The following PDE9A variants were observed in gnomAD, a reference collection of about 807,000 sequenced individuals.
PDE9A encodes high affinity cGMP-specific 3',5'-cyclic phosphodiesterase 9A.
A neutral mutation model predicts 87.4 loss-of-function variants in PDE9A; 60 were observed. That is an observed-to-expected ratio of 0.69 (90% CI 0.56 to 0.85). The LOEUF (loss-of-function observed/expected upper bound fraction) is 0.85, where lower values mean the gene tolerates loss of function less well. Ranked by LOEUF, PDE9A falls within the 40% of genes least tolerant of loss-of-function variation. The pLI is 0.00. For missense variants in PDE9A, 665 were observed against 779.0 expected (o/e 0.85, Z 1.74); for synonymous variants, 272 against 279.4 (o/e 0.97, Z 0.27).
At chr21:42,690,090 G>A (rs58769149) in intron 3 of PDE9A, 4 of 984,770 alleles carry the variant, frequency 4.1e-6, no homozygotes, top group African/African-American at 3.5e-5. Flanking sequence ...GAGGATACAG[G>A]TGGAGAAGAT....
At chr21:42,680,746 A>C (rs1602011945) in intron 1 of PDE9A, among the ~76,000 whole-genome samples, 1 of 152,020 alleles carries the variant, frequency 6.6e-6, no homozygotes, top group Admixed American at 6.5e-5. Flanking sequence ...CTTGCTGTGA[A>C]CCCACCGCTT....
chr21:42,682,077 C>T (rs571495907), intron 1 of PDE9A, among the ~76,000 whole-genome samples: 102 of 152,384 alleles, frequency 6.7e-4, no homozygotes, highest in Admixed American at 2.9e-3. Context: ...CCCAAACTCG[C>T]ACCCACTTTG....
Position 42,660,928 on chromosome 21 carries a change from G to T in PDE9A, c.69+7045G>T, listed in dbSNP as rs546919702. Among the ~76,000 whole-genome samples the T allele has an allele frequency of 1.2e-4, 18 of 152,264 alleles. No individual in the cohort carries two copies. In the East Asian group the frequency reaches 3.5e-3, roughly 29 times the overall value. On this transcript the variant is annotated intron_variant, in intron 1 of 19. Coordinates refer to ENST00000291539, the MANE Select transcript of PDE9A (RefSeq NM_002606.3). This position sits in a 1 kb window ranked among gnomAD's most constrained non-coding sequence, Gnocchi z 4.7. Reference sequence around the variant, plus strand: ...TCCCGAAGCTGGTCACGCAACGGGAGCATTGGCCCTGAACAGAAACCCGCA... The same window carrying T: ...TCCCGAAGCTGGTCACGCAACGGGATCATTGGCCCTGAACAGAAACCCGCA...
At chr21:42,693,388 T>G (rs2059969147) in intron 3 of PDE9A, among the ~76,000 whole-genome samples, 1 of 151,328 alleles carries the variant, frequency 6.6e-6, no homozygotes, top group Non-Finnish European at 1.5e-5. Context: ...AAGCTCTGCC[T>G]TCCGGGTTCA....
intron 8 of PDE9A, among the ~76,000 whole-genome samples, chr21:42,749,761 G>A (rs1645117765): frequency 6.6e-6 from 1 of 152,250 alleles, no homozygotes; most frequent in Admixed American, 6.5e-5. Context: ...GCTCTGTGGA[G>A]CAACTTGGGA....
chr21:42,761,946 C>T (rs1294531302), intron 13 of PDE9A, 137 bp from the exon 14 acceptor site: 4 of 809,640 alleles, frequency 4.9e-6, no homozygotes, highest in Non-Finnish European at 7.7e-6. Context: ...CAGGCCAGGG[C>T]ACAGGCAGCT....
At chr21:42,769,898 G>A (rs928769379) in intron 17 of PDE9A, among the ~76,000 whole-genome samples, 2 of 152,148 alleles carry the variant, frequency 1.3e-5, no homozygotes, top group Non-Finnish European at 2.9e-5. Context: ...CGTGACCCCA[G>A]CATCTCCCAC....
intron 8 of PDE9A, among the ~76,000 whole-genome samples, chr21:42,747,445 G>A (rs1043193330): frequency 2.0e-5 from 3 of 152,208 alleles, no homozygotes; most frequent in African/African-American, 4.8e-5. Context: ...GCCAGTGTGA[G>A]CCTGAAATGT....
intron 19 of PDE9A, 117 bp downstream of exon 19, chr21:42,772,637 C>CTTT: frequency 1.6e-5 from 9 of 564,762 alleles, no homozygotes; most frequent in East Asian, 3.5e-5. Flanking sequence ...ATGAATGGAA[C>CTTT]TTTTTTTTTT....
intron 3 of PDE9A, chr21:42,689,744 G>T (rs1225104919): frequency 1.0e-6 from 1 of 985,308 alleles, no homozygotes; most frequent in Non-Finnish European, 1.2e-6. Flanking sequence ...AGCCCAAAGA[G>T]CCCAAATGTC....
rs577904149 is a variant in PDE9A at position 42,705,461 on chromosome 21, G to A, written c.262+6450G>A. Among the ~76,000 whole-genome samples, 28 of 152,264 alleles carry A rather than the reference G, an allele frequency of 1.8e-4. No homozygotes were observed. The East Asian group carries it at 5.2e-3, about 28-fold the overall frequency. On this transcript the variant is annotated intron_variant, in intron 4 of 19. Coordinates refer to ENST00000291539, the MANE Select transcript of PDE9A (RefSeq NM_002606.3). This position sits in a 1 kb window ranked among gnomAD's most constrained non-coding sequence, Gnocchi z 4.3. ...CCTCGGCTGCCAGGAGCTGGCAGGGGAGATGCCTGTGATGAGGATTGGGTG... is the reference window on the plus strand; with the variant it reads ...CCTCGGCTGCCAGGAGCTGGCAGGGAAGATGCCTGTGATGAGGATTGGGTG...
chr21:42,751,124 GCCCCTGTAAGTA>G lies in PDE9A; in HGVS notation c.664_675del (p.Pro222_Tyr225del). Reference sequence around the variant, plus strand: ...CTGCTCCTTCTCTCTAGGACCAACTGCCCCTGTAAGTACAGTTTTTTGGATAACCACAAGAAG... The same window carrying G: ...CTGCTCCTTCTCTCTAGGACCAACTGCAGTTTTTTGGATAACCACAAGAAG... On this transcript the variant is annotated inframe_deletion, in exon 9 of 20. Coordinates refer to ENST00000291539, the MANE Select transcript of PDE9A (RefSeq NM_002606.3). 3 of 1,607,746 alleles carry G rather than the reference GCCCCTGTAAGTA, an allele frequency of 1.9e-6. No homozygotes were observed. The highest frequency in any genetic ancestry group is 2.6e-6 in the Non-Finnish European group (3 of 1,174,146).
At chr21:42,771,527 G>C (rs779728585) in intron 18 of PDE9A, among the ~76,000 whole-genome samples, 1 of 152,222 alleles carries the variant, frequency 6.6e-6, no homozygotes, top group Non-Finnish European at 1.5e-5. Context: ...GGCCTTGGCC[G>C]GTGTTGCCTC....
chr21:42,708,575 G>GAGA lies in PDE9A; in HGVS notation c.262+9566_262+9567insAAG, dbSNP rs565000865. On this transcript the variant is annotated intron_variant, in intron 4 of 19. Transcript: ENST00000291539. The stretch of plus-strand genomic sequence containing the variant: ...TTTGTTTTTTGTTGTTTTTGTTTTT[G>GAGA]AGGAGTTTCGCTCTTGTTGCCGAGG... 1.2e-4 allele frequency among the ~76,000 whole-genome samples: 19 copies of GAGA among 152,236 alleles called. No homozygotes were observed. The South Asian group carries it at 1.9e-3, about 15-fold the overall frequency.
In PDE9A at chr21:42,698,949, ACT is replaced by A; in HGVS notation, c.219-18_219-17del. 6.2e-7 allele frequency: 1 copy of A among 1,606,096 alleles called. No individual in the cohort carries two copies. The highest frequency in any genetic ancestry group is 8.5e-7 in the Non-Finnish European group (1 of 1,173,192). On this transcript the variant is annotated splice_polypyrimidine_tract_variant and intron_variant, in intron 3 of 19. Transcript: ENST00000291539. ...GCGCCTTGCAGAGTCTCACAGCGGCACTGTCTTCTCTTTTGCAGCACTCCGTA... is the reference window on the plus strand; with the variant it reads ...GCGCCTTGCAGAGTCTCACAGCGGCAGTCTTCTCTTTTGCAGCACTCCGTA...
At chr21:42,773,358 G>A (rs1052502854) in intron 19 of PDE9A, among the ~76,000 whole-genome samples, 1 of 151,916 alleles carries the variant, frequency 6.6e-6, no homozygotes, top group Non-Finnish European at 1.5e-5. Flanking sequence ...ACTTATAAGA[G>A]TAAGTACTTT....
rs1034555137 is a variant in PDE9A, at chr21:42,722,354, G to A, written c.263-9416G>A. ...CGGAGGGTGCTCAGCACCTCGCCCT[G>A]TTGCTCTGGGTTGGGACTAACAAGG... On this transcript the variant is annotated intron_variant, in intron 4 of 19. Coordinates refer to ENST00000291539, the MANE Select transcript of PDE9A (RefSeq NM_002606.3). This position sits in a 1 kb window ranked among gnomAD's most constrained non-coding sequence, Gnocchi z 4.1. Among the ~76,000 whole-genome samples the A allele has an allele frequency of 2.0e-5, 3 of 152,192 alleles. No homozygotes were observed. The highest frequency in any genetic ancestry group is 6.5e-5 in the Admixed American group (1 of 15,280).
At chr21:42,766,293 C>T (rs2056391589) in intron 15 of PDE9A, among the ~76,000 whole-genome samples, 1 of 152,162 alleles carries the variant, frequency 6.6e-6, no homozygotes, top group African/African-American at 2.4e-5. Flanking sequence ...CCACTGCACT[C>T]CAGCCTGGGC....
At chr21:42,677,966 T>C (rs971041805) in intron 1 of PDE9A, among the ~76,000 whole-genome samples, 10 of 152,226 alleles carry the variant, frequency 6.6e-5, no homozygotes, top group African/African-American at 2.4e-4. Context: ...TGTCCAGGAA[T>C]TGGAGCATTT....
Sources: allele counts gnomAD v4.1 joint callset (sites outside exome capture counted in the v4.1 genomes callset), GRCh38; gene constraint gnomAD v4.1.1; non-coding constraint Gnocchi (gnomAD v3.1); transcripts MANE v1.5; gene names NCBI Gene and HGNC (gene_info 2026-07-23, HGNC 2026-07-21).